NKAIN2: variants seen among roughly 807,000 people sequenced by gnomAD.
NKAIN2 encodes sodium/potassium transporting ATPase interacting 2, also known as sodium/potassium-transporting ATPase subunit beta-1-interacting protein 2.
NKAIN2 carries 14 observed loss-of-function variants against 32.6 expected under a neutral mutation model. The observed-to-expected ratio is 0.43, with a 90% CI of 0.28 to 0.67. The LOEUF is 0.67. NKAIN2 is among the 30% of genes least tolerant of loss of function. The pLI, the probability that NKAIN2 is intolerant of heterozygous loss-of-function variation, is 0.17. For synonymous variants in NKAIN2, 80 were observed against 87.2 expected (o/e 0.92, Z 0.46); for missense variants, 198 against 258.3 (o/e 0.77, Z 1.60).
At chr6:124,756,330 T>C (rs771000671) in intron 4 of NKAIN2, among the ~76,000 whole-genome samples, 2 of 152,116 alleles carry the variant, frequency 1.3e-5, no homozygotes, top group Non-Finnish European at 2.9e-5. Context: ...ACACTGGCCT[T>C]TTTAGACACA....
In NKAIN2 at chr6:124,286,642, T is replaced by TTGTGTGTGTG. The variant is rs56396833; in HGVS notation, c.192+3523_192+3532dup. ...CCATTTTTGTTTTCTGTTTGGAAAA[T>TTGTGTGTGTG]TGTGTGTGTGTGTGTGTGTGTGTGT... On this transcript the variant is annotated intron_variant, in intron 2 of 6. Coordinates refer to ENST00000368417, the MANE Select transcript of NKAIN2 (RefSeq NM_001040214.3). Among the ~76,000 whole-genome samples, 666 of 144,556 alleles carry TTGTGTGTGTG rather than the reference T, an allele frequency of 4.6e-3. 3 individuals are homozygous for TTGTGTGTGTG. The highest frequency in any genetic ancestry group is 0.014 in the African/African-American group (559 of 38,614). 94.8% of individuals were successfully genotyped at this position (144,556 alleles called of 152,430 possible).
At chr6:124,198,615 G>A (rs771349563) in intron 1 of NKAIN2, among the ~76,000 whole-genome samples, 3 of 151,706 alleles carry the variant, frequency 2.0e-5, no homozygotes, top group African/African-American at 4.8e-5. Context: ...CCTCAGCCGT[G>A]GTATATCTTT....
intron 3 of NKAIN2, among the ~76,000 whole-genome samples, chr6:124,441,170 TAAGTC>T (rs1775672712): frequency 6.6e-6 from 1 of 152,054 alleles, no homozygotes; most frequent in Non-Finnish European, 1.5e-5. Flanking sequence ...TTCTCTAAGA[TAAGTC>T]AGTTTTTATA....
intron 3 of NKAIN2, among the ~76,000 whole-genome samples, chr6:124,365,103 A>T (rs1799466764): frequency 6.6e-6 from 1 of 151,960 alleles, no homozygotes. Flanking sequence ...TAGCCTAAGC[A>T]ATGCTAAGAA....
rs148646240 is a variant in NKAIN2, at chr6:124,417,719, G to A, written c.273+62372G>A. 7.1e-3 allele frequency among the ~76,000 whole-genome samples: 1,084 copies of A among 152,190 alleles called. 9 individuals are homozygous for A. Among genetic ancestry groups the A allele is most frequent in the African/African-American group, 0.022 (907 of 41,530 alleles). On this transcript the variant is annotated intron_variant, in intron 3 of 6. Transcript: ENST00000368417. ...TCATAGGCATATTTTGAACGTGATGGTGGCCAAAGTGAACAATGCTGTTTC... is the reference window on the plus strand; with the variant it reads ...TCATAGGCATATTTTGAACGTGATGATGGCCAAAGTGAACAATGCTGTTTC...
At chr6:124,185,946 A>G (rs1018853682) in intron 1 of NKAIN2, among the ~76,000 whole-genome samples, 3 of 152,034 alleles carry the variant, frequency 2.0e-5, no homozygotes, top group Non-Finnish European at 2.9e-5. Context: ...TTAGTATATT[A>G]TTATATAAAG....
intron 1 of NKAIN2, among the ~76,000 whole-genome samples, chr6:124,277,720 T>A (rs1533957): frequency 0.37 from 56,153 of 151,900 alleles, 14,841 homozygotes; most frequent in African/African-American, 0.76. Flanking sequence ...GAGAGTTGAG[T>A]CAATCTGAAA....
chr6:124,620,007 C>T (rs867582512), intron 3 of NKAIN2, among the ~76,000 whole-genome samples: 13 of 152,232 alleles, frequency 8.5e-5, no homozygotes, highest in Middle Eastern at 6.8e-3. Context: ...TACTCAAATA[C>T]AACATGTTAA....
intron 3 of NKAIN2, among the ~76,000 whole-genome samples, chr6:124,634,667 A>G (rs1783703955): frequency 6.6e-6 from 1 of 152,122 alleles, no homozygotes. Context: ...TAGAAAACCT[A>G]TTTAATGAAA....
chr6:124,687,118 C>T (rs1228983711), intron 4 of NKAIN2, among the ~76,000 whole-genome samples: 1 of 147,190 alleles, frequency 6.8e-6, no homozygotes, highest in East Asian at 2.1e-4. Flanking sequence ...TAAGTTAATA[C>T]TTAATAAGCT....
At chr6:124,235,805 G>A (rs1005440012) in intron 1 of NKAIN2, among the ~76,000 whole-genome samples, 3 of 151,904 alleles carry the variant, frequency 2.0e-5, no homozygotes, top group African/African-American at 4.8e-5. Context: ...CACCATGTTG[G>A]CCAGGCTGTT....
At chr6:124,509,033 C>T (rs145854750) in intron 3 of NKAIN2, among the ~76,000 whole-genome samples, 3 of 152,238 alleles carry the variant, frequency 2.0e-5, no homozygotes, top group South Asian at 2.1e-4. Flanking sequence ...TGATGCCCTG[C>T]GGCTTAGGAC....
chr6:123,853,828 A>T, intron 1 of NKAIN2, among the ~76,000 whole-genome samples: 1 of 150,684 alleles, frequency 6.6e-6, no homozygotes. Context: ...GCTGGAGTGC[A>T]GTGGCGCTAT....
At chr6:123,888,557 T>C (rs1180311051) in intron 1 of NKAIN2, among the ~76,000 whole-genome samples, 3 of 152,140 alleles carry the variant, frequency 2.0e-5, no homozygotes, top group Non-Finnish European at 4.4e-5. Flanking sequence ...TTTTGTCTCT[T>C]GCCACAATAA....
intron 1 of NKAIN2, among the ~76,000 whole-genome samples, chr6:123,897,410 G>T (rs1049704638): frequency 6.6e-6 from 1 of 152,012 alleles, no homozygotes; most frequent in Non-Finnish European, 1.5e-5. Flanking sequence ...CACACTATTC[G>T]TCAAGCATCC....
At chr6:123,943,120 T>C in intron 1 of NKAIN2, among the ~76,000 whole-genome samples, 1 of 151,942 alleles carries the variant, frequency 6.6e-6, no homozygotes, top group East Asian at 1.9e-4. Context: ...CTATCAAGAG[T>C]AGTTGGAAAG....
At chr6:124,413,828 G>C (rs955512793) in intron 3 of NKAIN2, among the ~76,000 whole-genome samples, 2 of 152,000 alleles carry the variant, frequency 1.3e-5, no homozygotes, top group African/African-American at 4.8e-5. Flanking sequence ...TTCCATATAT[G>C]ATTGTGTATT....
intron 1 of NKAIN2, among the ~76,000 whole-genome samples, chr6:123,907,524 A>G (rs1774944437): frequency 6.6e-6 from 1 of 152,166 alleles, no homozygotes; most frequent in South Asian, 2.1e-4. Context: ...ATGGGACTGG[A>G]ACCCCAGTTT....
chr6:124,172,875 G>C (rs943151641), intron 1 of NKAIN2, among the ~76,000 whole-genome samples: 1 of 152,122 alleles, frequency 6.6e-6, no homozygotes, highest in Non-Finnish European at 1.5e-5. Flanking sequence ...TGTGGGAATA[G>C]TTCACATATA....
Sources: gnomAD v4.1 joint callset for allele counts (sites outside exome capture counted in the v4.1 genomes callset) on GRCh38, gnomAD v4.1.1 for gene constraint, MANE v1.5 for transcripts, NCBI Gene and HGNC (gene_info 2026-07-23, HGNC 2026-07-21) for gene names.